The following SQOR variants were observed in gnomAD, a reference collection of about 807,000 sequenced individuals.
SQOR encodes the protein sulfide quinone oxidoreductase.
A neutral mutation model predicts 48.6 loss-of-function variants in SQOR; 39 were observed. The observed-to-expected ratio is 0.80, with a 90% CI of 0.62 to 1.05. SQOR has a LOEUF of 1.05. Ranked by LOEUF, SQOR falls within the 50% of genes least tolerant of loss-of-function variation. The pLI, the probability that SQOR is intolerant of heterozygous loss-of-function variation, is 0.00. For synonymous variants in SQOR, 220 were observed against 206.2 expected, an observed-to-expected ratio of 1.07 and a Z score of -0.57; for missense variants, 561 against 559.9, an observed-to-expected ratio of 1.00 and a Z score of -0.02.
At chr15:45,637,683 C>T (rs1276800673) in intron 1 of SQOR, among the ~76,000 whole-genome samples, 1 of 152,118 alleles carries the variant, frequency 6.6e-6, no homozygotes, top group East Asian at 1.9e-4. Context: ...GGCTGGTGTT[C>T]TGCCAGTGAA....
chr15:45,659,213 T>TGTGA, intron 2 of SQOR, 56 bp downstream of exon 2: 1 of 517,938 alleles, frequency 1.9e-6, no homozygotes, highest in Non-Finnish European at 2.6e-6. Flanking sequence ...TGTGTGTGAG[T>TGTGA]GTGTGTGTGT....
intron 4 of SQOR, among the ~76,000 whole-genome samples, chr15:45,672,940 G>A (rs1889970127): frequency 7.6e-6 from 1 of 131,282 alleles, no homozygotes; most frequent in African/African-American, 2.6e-5. Context: ...CAGATTGCTG[G>A]GCCTGCTCCC....
chr15:45,676,253 TAAAC>T lies in SQOR; in HGVS notation c.810_813del (p.Gln271ArgfsTer15). ...AAAACCTCATTGAAGTCCGAGCCGA[TAAAC>T]AAGAGGCTGTATTTGAGAACCTGGA... On this transcript the variant is annotated frameshift_variant, in exon 6 of 10. Transcript: ENST00000260324. LOFTEE classifies it high-confidence loss of function. 1 of 1,614,118 alleles carries T rather than the reference TAAAC, an allele frequency of 6.2e-7. No homozygotes were observed. Among genetic ancestry groups the T allele is most frequent in the Non-Finnish European group, 8.5e-7 (1 of 1,179,998 alleles).
At chr15:45,631,181 G>A (rs563471129), upstream of SQOR, 6 of 184,036 alleles carry the variant, frequency 3.3e-5, 1 homozygote, top group South Asian at 4.3e-4. Context: ...TGTAAGAAGC[G>A]CCTTTCGCCT....
chr15:45,668,449 A>G (rs1889878005), intron 3 of SQOR, among the ~76,000 whole-genome samples: 1 of 152,216 alleles, frequency 6.6e-6, no homozygotes, highest in South Asian at 2.1e-4. Context: ...TTTATCCTCT[A>G]GGAGTGGTCA....
In SQOR at chr15:45,676,081, G is replaced by A; in HGVS notation, c.655-20G>A. On this transcript the variant is annotated intron_variant, in intron 5 of 9. Transcript: ENST00000260324. ...GCTGCAGTCATGCTTTGGTGTGAAT[G>A]GTTTTCTTATTTTTCTCAGACAGGG... The A allele has an allele frequency of 6.2e-7, 1 of 1,604,182 alleles. No individual in the cohort carries two copies. The highest frequency in any genetic ancestry group is 2.2e-5 in the East Asian group (1 of 44,760).
chr15:45,654,167 G>T (rs902506627), intron 1 of SQOR, among the ~76,000 whole-genome samples: 3 of 150,386 alleles, frequency 2.0e-5, no homozygotes, highest in Non-Finnish European at 4.4e-5. Context: ...CTGCATTATT[G>T]CCCTGGTTTG....
chr15:45,676,895 G>T (rs1412641484), intron 6 of SQOR, among the ~76,000 whole-genome samples: 1 of 152,114 alleles, frequency 6.6e-6, no homozygotes, highest in African/African-American at 2.4e-5. Flanking sequence ...ACAAAAATTA[G>T]CTGGGCGTGG....
At chr15:45,650,565 C>T (rs991574358) in intron 1 of SQOR, among the ~76,000 whole-genome samples, 1 of 152,190 alleles carries the variant, frequency 6.6e-6, no homozygotes, top group East Asian at 1.9e-4. Context: ...GAAAGAGGAC[C>T]AGAAAGGACT....
At chr15:45,676,682 C>G (rs1890042364) in intron 6 of SQOR, among the ~76,000 whole-genome samples, 1 of 152,138 alleles carries the variant, frequency 6.6e-6, no homozygotes. Context: ...GTGATTGTCT[C>G]AATTGGTGGC....
chr15:45,663,680 T>A (rs760001238), intron 3 of SQOR, among the ~76,000 whole-genome samples: 2 of 152,024 alleles, frequency 1.3e-5, no homozygotes, highest in African/African-American at 2.4e-5. Flanking sequence ...GGTGGGAGGA[T>A]CACTTGAGCC....
chr15:45,673,932 A>C (rs930038476), intron 5 of SQOR, 131 bp downstream of exon 5: 1 of 834,450 alleles, frequency 1.2e-6, no homozygotes, highest in African/African-American at 1.7e-5. Context: ...GTACAAAATT[A>C]GTTAACTGGA....
chr15:45,678,709 A>G (rs1461804175), intron 6 of SQOR, among the ~76,000 whole-genome samples: 1 of 152,154 alleles, frequency 6.6e-6, no homozygotes, highest in Admixed American at 6.5e-5. Context: ...TTATCACTTT[A>G]TAAAAGGGTC....
chr15:45,658,484 G>A (rs573684250), intron 1 of SQOR, among the ~76,000 whole-genome samples: 1 of 152,188 alleles, frequency 6.6e-6, no homozygotes, highest in Non-Finnish European at 1.5e-5. Flanking sequence ...TTGTGGACTC[G>A]TATATCAGTT....
At chr15:45,649,989 T>A (rs553796779) in intron 1 of SQOR, among the ~76,000 whole-genome samples, 1 of 151,936 alleles carries the variant, frequency 6.6e-6, no homozygotes, top group Non-Finnish European at 1.5e-5. Context: ...ATTACAGTTA[T>A]GTGCCACCAC....
At chr15:45,654,377 G>C (rs1889556874) in intron 1 of SQOR, among the ~76,000 whole-genome samples, 1 of 152,116 alleles carries the variant, frequency 6.6e-6, no homozygotes, top group Non-Finnish European at 1.5e-5. Context: ...TCTTATAGTT[G>C]GAAAGTGAAA....
chr15:45,634,196 A>T (rs1226183859), upstream of SQOR, among the ~76,000 whole-genome samples: 47 of 110,510 alleles, frequency 4.3e-4, no homozygotes, highest in Non-Finnish European at 7.0e-4. Context: ...CAACAACAAC[A>T]ACTATATATA....
At chr15:45,649,426 C>T (rs1889417958) in intron 1 of SQOR, among the ~76,000 whole-genome samples, 1 of 152,196 alleles carries the variant, frequency 6.6e-6, no homozygotes, top group South Asian at 2.1e-4. Context: ...AAATATATTG[C>T]ATGTGCCATT....
At chr15:45,635,002 G>T (rs938465933), upstream of SQOR, 3 of 152,116 alleles carry the variant, frequency 2.0e-5, no homozygotes, top group Non-Finnish European at 4.4e-5. Flanking sequence ...TCCAGCCTCC[G>T]CCCGGATGGC....
Sources: allele counts gnomAD v4.1 joint callset (sites outside exome capture counted in the v4.1 genomes callset), GRCh38; gene constraint gnomAD v4.1.1; transcripts MANE v1.5; gene names NCBI Gene and HGNC (gene_info 2026-07-23, HGNC 2026-07-21).